Variants in PPL observed in about 807,000 individuals in gnomAD.
The protein encoded by PPL is periplakin, also known as 190 kDa paraneoplastic pemphigus antigen.
In PPL, 198 loss-of-function variants were observed where a neutral mutation model predicts 194.4. The observed-to-expected ratio is 1.02, with a 90% CI of 0.91 to 1.15. The LOEUF (loss-of-function observed/expected upper bound fraction) is 1.15. Among genes scored for constraint, PPL ranks in the 50% most tolerant of loss-of-function variants. The probability of loss-of-function intolerance (pLI) is 0.00; values close to 1 mark genes in which losing one functional copy is unlikely to be tolerated. For synonymous variants in PPL, 1,220 were observed against 972.4 expected (o/e 1.25, Z -4.74); for missense variants, 2,885 against 2,294.8 (o/e 1.26, Z -5.25).
chr16:4,902,692 CT>C lies in PPL; in HGVS notation c.318-167del, dbSNP rs5815221. ...ATCCTCTCACCCCTCCTCCCATGCA[CT>C]TTTTTTTTTTTTTTGAGACAGAGTC... On this transcript the variant is annotated intron_variant, in intron 3 of 21. Coordinates refer to ENST00000345988, the MANE Select transcript of PPL (RefSeq NM_002705.5). The surrounding 1 kb of genome is among the most constrained non-coding windows in gnomAD (Gnocchi z 4.0). Among the ~76,000 whole-genome samples the C allele has an allele frequency of 0.61, 86,087 of 140,790 alleles. 26,961 individuals are homozygous for C. Among genetic ancestry groups the C allele is most frequent in the East Asian group, 0.88 (4,173 of 4,736 alleles). The allele number at this position is 140,790 out of a possible 152,430, so 92.4% of individuals were successfully genotyped here.
At chr16:4,922,592 G>A (rs1200820583) in intron 1 of PPL, among the ~76,000 whole-genome samples, 1 of 152,174 alleles carries the variant, frequency 6.6e-6, no homozygotes, top group Non-Finnish European at 1.5e-5. Flanking sequence ...AGCCTGGGAG[G>A]CGGAGGTTGT....
At chr16:4,923,492 G>C (rs756456723) in intron 1 of PPL, among the ~76,000 whole-genome samples, 1 of 152,152 alleles carries the variant, frequency 6.6e-6, no homozygotes, top group African/African-American at 2.4e-5. Context: ...AGCCATCAGC[G>C]ACCTGGAAGG....
chr16:4,928,327 C>T (rs2089185515), intron 1 of PPL, among the ~76,000 whole-genome samples: 2 of 152,234 alleles, frequency 1.3e-5, no homozygotes, highest in South Asian at 2.1e-4. Flanking sequence ...CTTAGGCCTC[C>T]CAGAGTGTTG....
chr16:4,901,009 A>G lies in PPL; in HGVS notation c.519T>C (p.Asn173=). The change falls in exon 5 of 22, where the codon AAT becomes AAC. Residue 173 remains asparagine, a synonymous_variant. Coordinates refer to ENST00000345988, the MANE Select transcript of PPL (RefSeq NM_002705.5). Reference sequence around the variant, plus strand: ...GGTGGGGCCCGATGGCCTTGACCTCATTGTGGAAGATGTTATGCTCCTCCA... The same window carrying G: ...GGTGGGGCCCGATGGCCTTGACCTCGTTGTGGAAGATGTTATGCTCCTCCA... The part of the protein sequence containing the change: ...HQVEEHNIFH[N]EVKAIGPHLA... 2 of 1,614,146 alleles carry G rather than the reference A, an allele frequency of 1.2e-6. No individual in the cohort carries two copies. The highest frequency in any genetic ancestry group is 1.7e-6 in the Non-Finnish European group (2 of 1,180,020).
chr16:4,908,681 G>C (rs572486048), intron 2 of PPL, among the ~76,000 whole-genome samples: 1 of 151,810 alleles, frequency 6.6e-6, no homozygotes, highest in African/African-American at 2.4e-5. Flanking sequence ...GGGATTACAG[G>C]CACACACACC....
rs2088132579 is a variant in PPL at position 4,883,188 on chromosome 16, T to C, written c.*196A>G. ...GAAGTACGTCACTCAGGGTGAATGA[T>C]GGTTGGGACGAGAGTTGCCTGTCTT... On this transcript the variant is annotated 3_prime_UTR_variant, in exon 22 of 22. Transcript: ENST00000345988. The surrounding 1 kb of genome is among the most constrained non-coding windows in gnomAD (Gnocchi z 4.8). 2 of 651,872 alleles carry C rather than the reference T, an allele frequency of 3.1e-6. No homozygotes were observed. 40.4% of individuals were successfully genotyped at this position (651,872 alleles called of 1,614,324 possible). A position where few individuals can be genotyped will look rare whatever the true frequency, so the allele number is the denominator to read the frequency against.
chr16:4,897,839 G>C, intron 8 of PPL, 69 bp from the exon 9 acceptor site: 1 of 1,317,192 alleles, frequency 7.6e-7, no homozygotes, highest in East Asian at 2.4e-5. Flanking sequence ...GGACTGCTGG[G>C]ATATTGGGCT....
chr16:4,921,769 A>G (rs1333833490), intron 1 of PPL, among the ~76,000 whole-genome samples: 2 of 152,002 alleles, frequency 1.3e-5, no homozygotes, highest in African/African-American at 4.8e-5. Context: ...GCCTGGCCCC[A>G]GCCTGCATTA....
At chr16:4,906,680 G>C (rs1020177291) in intron 2 of PPL, among the ~76,000 whole-genome samples, 1 of 152,266 alleles carries the variant, frequency 6.6e-6, no homozygotes, top group Non-Finnish European at 1.5e-5. Context: ...CTGGCTGAGA[G>C]AGAAAGAGAA....
chr16:4,902,624 G>A lies in PPL; in HGVS notation c.318-98C>T, dbSNP rs1227760222. On this transcript the variant is annotated intron_variant, in intron 3 of 21. Transcript: ENST00000345988. The surrounding 1 kb of genome is among the most constrained non-coding windows in gnomAD (Gnocchi z 4.0). ...AGACCCCGGCCTCAGTGTCCTGGAA[G>A]GACACAGTGACCATATGGCCTTGGG... 1 of 1,414,392 alleles carries A rather than the reference G, an allele frequency of 7.1e-7. No homozygotes were observed. The highest frequency in any genetic ancestry group is 9.6e-7 in the Non-Finnish European group (1 of 1,039,722). The allele number at this position is 1,414,392 out of a possible 1,614,324, so 87.6% of individuals were successfully genotyped here.
intron 8 of PPL, 109 bp downstream of exon 8, chr16:4,898,904 G>A (rs1300934264): frequency 9.9e-6 from 8 of 804,700 alleles, no homozygotes; most frequent in Non-Finnish European, 1.0e-5. Context: ...ACAAGATGCA[G>A]CTTGCAGGAC....
intron 2 of PPL, among the ~76,000 whole-genome samples, chr16:4,904,472 A>G (rs1045528375): frequency 2.6e-5 from 4 of 152,178 alleles, no homozygotes; most frequent in African/African-American, 9.6e-5. Context: ...TATGAAAGAA[A>G]TGCTCCAGAG....
At chr16:4,886,550 G>A (rs971916767) in intron 21 of PPL, among the ~76,000 whole-genome samples, 1 of 152,230 alleles carries the variant, frequency 6.6e-6, no homozygotes, top group Admixed American at 6.5e-5. Flanking sequence ...TGCTTCCAGT[G>A]TCTTGCTATT....
intron 9 of PPL, among the ~76,000 whole-genome samples, chr16:4,897,458 T>G (rs960044348): frequency 1.3e-5 from 2 of 151,392 alleles, no homozygotes; most frequent in African/African-American, 4.9e-5. Flanking sequence ...GGAATCAGAC[T>G]CTGGCCCTGG....
At chr16:4,933,435 G>C (rs184040955) in intron 1 of PPL, among the ~76,000 whole-genome samples, 178 of 152,280 alleles carry the variant, frequency 1.2e-3, no homozygotes, top group Non-Finnish European at 2.0e-3. Flanking sequence ...GGGATGCTAT[G>C]TTTCTTTTCA....
rs747141061 is a variant in PPL, at chr16:4,885,211, C to G, written c.3444G>C (p.Gln1148His). 5 of 1,614,084 alleles carry G rather than the reference C, an allele frequency of 3.1e-6. No homozygotes were observed. In the East Asian group the frequency reaches 1.1e-4, roughly 36 times the overall value. Residue 1148 changes from glutamine (Q) to histidine (H), a missense_variant, in exon 22 of 22, where the codon CAG (glutamine) becomes CAC (histidine). Physicochemically the swap from Gln to His is conservative, Grantham distance 24 (BLOSUM62 0). Transcript: ENST00000345988. This position sits in a 1 kb window ranked among gnomAD's most constrained non-coding sequence, Gnocchi z 6.3. ...TTCGGAGCAGCTCCGTCTTCTCCCT[C>G]TGGCTAGCGCGAGCCTTGGCAGCCT... ...EDEAAKARAS[Q>H]REKTELLRKI...
intron 8 of PPL, among the ~76,000 whole-genome samples, chr16:4,898,538 G>A (rs2088479128): frequency 6.6e-6 from 1 of 152,170 alleles, no homozygotes; most frequent in Non-Finnish European, 1.5e-5. Flanking sequence ...GAGACATGGG[G>A]AGAGAAGGCC....
At chr16:4,892,006 A>G (rs2088328951) in intron 15 of PPL, 29 bp downstream of exon 15, 20 of 1,611,134 alleles carry the variant, frequency 1.2e-5, no homozygotes, top group Non-Finnish European at 1.7e-5. Context: ...ACCCCACCCC[A>G]ACCTCCATGC....
rs755365409 is a variant in PPL, at chr16:4,903,874, G to A, written c.317+12C>T. On this transcript the variant is annotated intron_variant, in intron 3 of 21. Coordinates refer to ENST00000345988, the MANE Select transcript of PPL (RefSeq NM_002705.5). The stretch of plus-strand genomic sequence containing the variant: ...AATGGCTCCCCTGGGGTAAGAAGCA[G>A]AAGGGACCTACTCCTCGGCGATCAT... 1.9e-6 allele frequency: 3 copies of A among 1,613,654 alleles called. No individual in the cohort carries two copies. Among genetic ancestry groups the A allele is most frequent in the East Asian group, 4.5e-5 (2 of 44,874 alleles).
Sources: allele counts gnomAD v4.1 joint callset (sites outside exome capture counted in the v4.1 genomes callset), GRCh38; gene constraint gnomAD v4.1.1; non-coding constraint Gnocchi (gnomAD v3.1); transcripts MANE v1.5; gene names NCBI Gene and HGNC (gene_info 2026-07-23, HGNC 2026-07-21).